Variants in DHTKD1 observed in about 807,000 individuals in gnomAD.
DHTKD1 encodes 2-oxoadipate dehydrogenase complex component E1.
In DHTKD1, 78 loss-of-function variants were observed where a neutral mutation model predicts 101.8. That is an observed-to-expected ratio of 0.77 (90% CI 0.64 to 0.93). The LOEUF (loss-of-function observed/expected upper bound fraction) is 0.93. Ranked by LOEUF, DHTKD1 falls within the 40% of genes least tolerant of loss-of-function variation. The probability of loss-of-function intolerance (pLI) is 0.00; values close to 1 mark genes in which losing one functional copy is unlikely to be tolerated. For missense variants in DHTKD1, 1,223 were observed against 1,161.7 expected (o/e 1.05, Z -0.77); for synonymous variants, 462 against 450.3 (o/e 1.03, Z -0.33).
chr10:12,076,404 A>T (rs1832731829), intron 1 of DHTKD1, among the ~76,000 whole-genome samples: 1 of 151,988 alleles, frequency 6.6e-6, no homozygotes, highest in Non-Finnish European at 1.5e-5. Context: ...TGAACCCAGG[A>T]GGCAGAGGTT....
Position 12,113,001 on chromosome 10 carries a change from G to C in DHTKD1, c.2256G>C (p.Gln752His), listed in dbSNP as rs1418969749. The C allele has an allele frequency of 6.2e-7, 1 of 1,613,778 alleles. No homozygotes were observed. The highest frequency in any genetic ancestry group is 1.7e-5 in the Admixed American group (1 of 59,926). The change falls in exon 13 of 17, where the codon CAG (glutamine) becomes CAC (histidine). Residue 752 changes from glutamine to histidine, a missense_variant. By Grantham distance (24) the Gln-to-His change is conservative. Coordinates refer to ENST00000263035, the MANE Select transcript of DHTKD1 (RefSeq NM_018706.7). ...AGTATTTCCACTTGCTTAGGAGACA[G>C]ATGGTCCGGAACTTCAGAAAACCAC... ...PAQYFHLLRR[Q>H]MVRNFRKPLI... is the part of the protein sequence containing the mutation.
chr10:12,118,577 T>A (rs1248059816), intron 14 of DHTKD1, among the ~76,000 whole-genome samples, 172 bp from the exon 15 acceptor site: 2 of 151,830 alleles, frequency 1.3e-5, no homozygotes, highest in South Asian at 2.1e-4. Flanking sequence ...AGAGACAGGG[T>A]TTCACCGTGT....
Position 12,102,490 on chromosome 10 carries a change from T to G in DHTKD1, c.1896+1309T>G, listed in dbSNP as rs150506928. Among the ~76,000 whole-genome samples, 139 of 151,230 alleles carry G rather than the reference T, an allele frequency of 9.2e-4. 1 individual carries two copies. Among genetic ancestry groups the G allele is most frequent in the African/African-American group, 3.3e-3 (137 of 41,170 alleles). On this transcript the variant is annotated intron_variant, in intron 10 of 16. Transcript: ENST00000263035. ...CATTTTAGGAAGATAACTGAAGGGA[T>G]ATGGAGCTCATCTTTTCTTTAAGTT...
Position 12,101,037 on chromosome 10 carries a change from T to C in DHTKD1, c.1757-5T>C, listed in dbSNP as rs751026233. 6 of 1,613,106 alleles carry C rather than the reference T, an allele frequency of 3.7e-6. No homozygotes were observed. Among genetic ancestry groups the C allele is most frequent in the Middle Eastern group, 1.7e-4 (1 of 6,058 alleles). Reference sequence around the variant, plus strand: ...ATCTGACTTTTTTTTTCTTGCTTGCTTAAGGTTTTAATGTTCGTCTAAGTG... The same window carrying C: ...ATCTGACTTTTTTTTTCTTGCTTGCCTAAGGTTTTAATGTTCGTCTAAGTG... On this transcript the variant is annotated splice_region_variant and splice_polypyrimidine_tract_variant and intron_variant, in intron 9 of 16. Coordinates refer to ENST00000263035, the MANE Select transcript of DHTKD1 (RefSeq NM_018706.7).
At chr10:12,117,304 C>CTTTTT (rs71382683) in intron 13 of DHTKD1, among the ~76,000 whole-genome samples, 2 of 71,572 alleles carry the variant, frequency 2.8e-5, no homozygotes, top group African/African-American at 1.0e-4. Flanking sequence ...GCCACGGCAC[C>CTTTTT]TTTTTTTTTT....
chr10:12,115,584 G>T (rs1220267826), intron 13 of DHTKD1, among the ~76,000 whole-genome samples: 1 of 152,156 alleles, frequency 6.6e-6, no homozygotes, highest in Non-Finnish European at 1.5e-5. Flanking sequence ...GATTTCAGTA[G>T]TCTTACCAAT....
In DHTKD1 at chr10:12,100,933, C is replaced by T. The variant is rs3740017; in HGVS notation, c.1757-109C>T. 1.5e-4 allele frequency: 174 copies of T among 1,126,608 alleles called. 1 individual carries two copies. The East Asian group carries it at 4.0e-3, about 26-fold the overall frequency. 69.8% of individuals were successfully genotyped at this position (1,126,608 alleles called of 1,614,324 possible). ...GCATATATTAATAACTATCTGTTAT[C>T]CTAAGGAAAATTCTCAGGATTAAGC... On this transcript the variant is annotated intron_variant, in intron 9 of 16. Coordinates refer to ENST00000263035, the MANE Select transcript of DHTKD1 (RefSeq NM_018706.7).
chr10:12,094,814 A>G (rs1466941023), intron 7 of DHTKD1, among the ~76,000 whole-genome samples: 1 of 151,810 alleles, frequency 6.6e-6, no homozygotes, highest in Non-Finnish European at 1.5e-5. Flanking sequence ...TAATCTTTGT[A>G]TTTTTAGTAC....
Position 12,101,104 on chromosome 10 carries a change from A to G in DHTKD1, c.1819A>G (p.Ile607Val), listed in dbSNP as rs1214366317. ...TGGAACTTTCAGTCAGAGGCATGCA[A>G]TCGTGGTTTGCCAGGAGACGGATGA... is the stretch of plus-strand genomic sequence containing the variant. Reference protein sequence around the residue: ...GRGTFSQRHAIVVCQETDDTY... With the variant: ...GRGTFSQRHAVVVCQETDDTY... The change falls in exon 10 of 17, where the codon ATC (isoleucine) becomes GTC (valine). Residue 607 changes from isoleucine (I) to valine (V), a missense_variant. By Grantham distance (29) the Ile-to-Val change is conservative. Coordinates refer to ENST00000263035, the MANE Select transcript of DHTKD1 (RefSeq NM_018706.7). 4 of 1,613,962 alleles carry G rather than the reference A, an allele frequency of 2.5e-6. No individual in the cohort carries two copies. The highest frequency in any genetic ancestry group is 2.2e-5 in the East Asian group (1 of 44,894).
In DHTKD1 at chr10:12,099,462, A is replaced by C. The variant is rs571854723; in HGVS notation, c.1672-716A>C. 3.3e-5 allele frequency among the ~76,000 whole-genome samples: 5 copies of C among 152,236 alleles called. No homozygotes were observed. The East Asian group carries it at 9.7e-4, about 29-fold the overall frequency. ...AGAACTTTGGGAGGCCAAGCCGGGC[A>C]GATTATTTGAGTTCAGGGGTTCAAG... On this transcript the variant is annotated intron_variant, in intron 8 of 16. Transcript: ENST00000263035.
Position 12,087,624 on chromosome 10 carries a change from G to C in DHTKD1, c.612G>C (p.Glu204Asp). The change falls in exon 4 of 17, where the codon GAG becomes GAC. Residue 204 changes from glutamate (E) to aspartate (D), a missense_variant. Coordinates refer to ENST00000263035, the MANE Select transcript of DHTKD1 (RefSeq NM_018706.7). The surrounding 1 kb of genome is among the most constrained non-coding windows in gnomAD (Gnocchi z 5.2). ...GAESMMGFFH[E>D]LLKMSAYSGI... ...AAAGCATGATGGGCTTTTTCCACGAGCTGCTGAAAATGTCGGCCTACAGCG... is the reference window on the plus strand; with the variant it reads ...AAAGCATGATGGGCTTTTTCCACGACCTGCTGAAAATGTCGGCCTACAGCG... 6.2e-7 allele frequency: 1 copy of C among 1,614,086 alleles called. No homozygotes were observed. Among genetic ancestry groups the C allele is most frequent in the Non-Finnish European group, 8.5e-7 (1 of 1,180,018 alleles).
intron 8 of DHTKD1, among the ~76,000 whole-genome samples, chr10:12,099,635 C>T (rs949517099): frequency 4.6e-5 from 7 of 151,990 alleles, no homozygotes; most frequent in African/African-American, 1.4e-4. Flanking sequence ...TTGCAATCAG[C>T]CAAGATCACG....
chr10:12,074,519 C>T (rs1832696839), intron 1 of DHTKD1, among the ~76,000 whole-genome samples: 1 of 151,696 alleles, frequency 6.6e-6, no homozygotes, highest in Admixed American at 6.6e-5. Flanking sequence ...CCATGCCCGG[C>T]TAATTTTTTG....
chr10:12,103,935 C>T lies in DHTKD1; in HGVS notation c.1897-2311C>T, dbSNP rs1295534406. On this transcript the variant is annotated intron_variant, in intron 10 of 16. Coordinates refer to ENST00000263035, the MANE Select transcript of DHTKD1 (RefSeq NM_018706.7). This position sits in a 1 kb window ranked among gnomAD's most constrained non-coding sequence, Gnocchi z 4.8. ...ATTCACAGAGTTGTGTAATCATCAC[C>T]ACTATCTAATTTTAGAACATTTTCA... 2.6e-5 allele frequency among the ~76,000 whole-genome samples: 4 copies of T among 152,084 alleles called. No homozygotes were observed. Among genetic ancestry groups the T allele is most frequent in the Non-Finnish European group, 5.9e-5 (4 of 68,030 alleles).
intron 1 of DHTKD1, among the ~76,000 whole-genome samples, chr10:12,072,485 A>AAAT (rs1255723366): frequency 2.1e-5 from 1 of 47,372 alleles, no homozygotes; most frequent in African/African-American, 4.6e-5. Flanking sequence ...ATAAATAAAT[A>AAAT]AATAAATAAA....
At chr10:12,093,094 A>G (rs1833016762) in intron 6 of DHTKD1, among the ~76,000 whole-genome samples, 1 of 148,678 alleles carries the variant, frequency 6.7e-6, no homozygotes, top group Non-Finnish European at 1.5e-5. Context: ...CCCACGCTGC[A>G]GTGCAATGGC....
rs1242094432 is a variant in DHTKD1 at position 12,084,580 on chromosome 10, A to C, written c.351A>C (p.Glu117Asp). Residue 117 changes from glutamate (E) to aspartate (D), a missense_variant, in exon 3 of 17, where the codon GAA (glutamate) becomes GAC (aspartate). Coordinates refer to ENST00000263035, the MANE Select transcript of DHTKD1 (RefSeq NM_018706.7). ...NMGKEEASLE[E>D]VLVYLNQIYC... ...GGAAGGAAGAGGCCTCACTTGAGGA[A>C]GTGTTAGTCTATCTCAATCAAATCT... 1 of 1,613,370 alleles carries C rather than the reference A, an allele frequency of 6.2e-7. No homozygotes were observed. The highest frequency in any genetic ancestry group is 8.5e-7 in the Non-Finnish European group (1 of 1,179,334).
Position 12,107,866 on chromosome 10 carries a change from C to T in DHTKD1, c.2048-43C>T. On this transcript the variant is annotated intron_variant, in intron 11 of 16. Transcript: ENST00000263035. The surrounding 1 kb of genome is among the most constrained non-coding windows in gnomAD (Gnocchi z 4.1). ...CTGAGTCGTGTCAGGCCACTTTGTC[C>T]CCGCTTCGTAGAGCTCTTACTCCCC... 7.3e-7 allele frequency: 1 copy of T among 1,376,278 alleles called. No homozygotes were observed. The highest frequency in any genetic ancestry group is 1.0e-6 in the Non-Finnish European group (1 of 971,134). 85.3% of individuals were successfully genotyped at this position (1,376,278 alleles called of 1,614,324 possible).
chr10:12,076,161 A>C (rs939288904), intron 1 of DHTKD1, among the ~76,000 whole-genome samples: 9 of 152,254 alleles, frequency 5.9e-5, no homozygotes, highest in African/African-American at 2.2e-4. Context: ...TCAGGCAGCA[A>C]GTCCGCTAAA....
Sources: gnomAD v4.1 joint callset for allele counts (sites outside exome capture counted in the v4.1 genomes callset) on GRCh38, gnomAD v4.1.1 for gene constraint, Gnocchi (gnomAD v3.1) non-coding constraint, MANE v1.5 for transcripts, NCBI Gene and HGNC (gene_info 2026-07-23, HGNC 2026-07-21) for gene names.